TAFA1: variants seen among roughly 807,000 people sequenced by gnomAD.
TAFA1 encodes chemokine-like protein TAFA-1.
TAFA1 carries 4 observed loss-of-function variants against 18.5 expected under a neutral mutation model. The observed-to-expected ratio is 0.22, with a 90% confidence interval of 0.11 to 0.49. TAFA1 has a LOEUF of 0.49. Among genes scored for constraint, TAFA1 ranks in the 20% least tolerant of loss-of-function variants. The probability of loss-of-function intolerance (pLI) is 0.98; values close to 1 mark genes in which losing one functional copy is unlikely to be tolerated. For synonymous variants in TAFA1, 56 were observed against 55.2 expected, an observed-to-expected ratio of 1.01 and a Z score of -0.06; for missense variants, 147 against 169.0, an observed-to-expected ratio of 0.87 and a Z score of 0.72.
At chr3:68,365,624 T>G (rs995297394) in intron 2 of TAFA1, among the ~76,000 whole-genome samples, 10 of 152,160 alleles carry the variant, frequency 6.6e-5, no homozygotes, top group Admixed American at 3.9e-4. Context: ...ATGCTGCTGA[T>G]AAAGACATAC....
intron 2 of TAFA1, among the ~76,000 whole-genome samples, chr3:68,305,412 T>C (rs2068391549): frequency 2.1e-4 from 2 of 9,556 alleles, no homozygotes; most frequent in South Asian, 4.6e-3. Flanking sequence ...TATATGACTA[T>C]ATATATATAT....
intron 3 of TAFA1, among the ~76,000 whole-genome samples, chr3:68,532,401 T>C (rs777149437): frequency 6.6e-6 from 1 of 152,154 alleles, no homozygotes; most frequent in Non-Finnish European, 1.5e-5. Flanking sequence ...TGTCAGACTT[T>C]AAAAGTGTCA....
At chr3:68,005,590 T>C (rs1186919320) in intron 1 of TAFA1, among the ~76,000 whole-genome samples, 1 of 152,148 alleles carries the variant, frequency 6.6e-6, no homozygotes, top group Non-Finnish European at 1.5e-5. Context: ...TTTCAACGTA[T>C]AGTTGAGATT....
chr3:68,421,454 T>A (rs1204162558), intron 3 of TAFA1, among the ~76,000 whole-genome samples: 1 of 152,148 alleles, frequency 6.6e-6, no homozygotes, highest in Admixed American at 6.6e-5. Context: ...ATATAAAGTG[T>A]GACTATAAAT....
At chr3:68,057,213 A>T (rs752111655) in intron 2 of TAFA1, among the ~76,000 whole-genome samples, 2 of 152,200 alleles carry the variant, frequency 1.3e-5, no homozygotes, top group Non-Finnish European at 2.9e-5. Context: ...TGGCAGTGTG[A>T]TAATTCAAAT....
At chr3:68,062,965 G>T (rs1490575115) in intron 2 of TAFA1, among the ~76,000 whole-genome samples, 2 of 152,134 alleles carry the variant, frequency 1.3e-5, no homozygotes, top group African/African-American at 2.4e-5. Flanking sequence ...TCGTCTAACA[G>T]GTGGTTGCCA....
chr3:68,399,092 T>C (rs2070437701), intron 2 of TAFA1, among the ~76,000 whole-genome samples: 1 of 152,178 alleles, frequency 6.6e-6, no homozygotes, highest in Admixed American at 6.6e-5. Context: ...AACTAGATTA[T>C]TCATGACAGT....
At chr3:68,228,172 G>A (rs188651072) in intron 2 of TAFA1, among the ~76,000 whole-genome samples, 7 of 152,312 alleles carry the variant, frequency 4.6e-5, no homozygotes, top group African/African-American at 1.2e-4. Flanking sequence ...TGCATGGAAA[G>A]CATCATTACA....
chr3:68,417,369 C>G lies in TAFA1; in HGVS notation c.208C>G (p.Leu70Val). Residue 70 changes from leucine to valine, a missense_variant, in exon 3 of 5, where the codon CTA becomes GTA. Leu to Val is a conservative substitution (Grantham distance 32). Transcript: ENST00000478136. ...ERSQTVKCSC[L>V]PGKVAGTTRN... Reference sequence around the variant, plus strand: ...GTCACAAACAGTAAAGTGTTCCTGTCTACCTGGAAAAGTGGCTGGAACAAC... The same window carrying G: ...GTCACAAACAGTAAAGTGTTCCTGTGTACCTGGAAAAGTGGCTGGAACAAC... 1 of 1,613,518 alleles carries G rather than the reference C, an allele frequency of 6.2e-7. No individual in the cohort carries two copies. Among genetic ancestry groups the G allele is most frequent in the Non-Finnish European group, 8.5e-7 (1 of 1,179,608 alleles).
intron 2 of TAFA1, among the ~76,000 whole-genome samples, chr3:68,056,093 A>C (rs948654319): frequency 6.6e-6 from 1 of 152,144 alleles, no homozygotes; most frequent in African/African-American, 2.4e-5. Context: ...AGTGCTAGAG[A>C]AATTGCATAA....
At chr3:68,231,425 A>G (rs1428543622) in intron 2 of TAFA1, among the ~76,000 whole-genome samples, 1 of 139,296 alleles carries the variant, frequency 7.2e-6, no homozygotes, top group Non-Finnish European at 1.5e-5. Flanking sequence ...CAGTGGCGCA[A>G]TCTCGGCTCA....
chr3:68,164,014 A>T (rs1415420278), intron 2 of TAFA1, among the ~76,000 whole-genome samples: 2 of 152,286 alleles, frequency 1.3e-5, no homozygotes, highest in East Asian at 3.9e-4. Context: ...ATTTGTGCAA[A>T]AACCCTCTTT....
chr3:68,120,173 CTTTCTTTCTTTCTTTCTTTCTTTCTTTCT>C (rs2065374416), intron 2 of TAFA1, among the ~76,000 whole-genome samples: 1 of 16,438 alleles, frequency 6.1e-5, no homozygotes, highest in Admixed American at 8.2e-4. Flanking sequence ...CTTTCTTTCT[CTTTCTTTCTTTCTTTCTTTCTTTCTTTCT>C]TTCTTTCTTT....
chr3:68,498,144 T>C (rs2072584117), intron 3 of TAFA1, among the ~76,000 whole-genome samples: 1 of 152,238 alleles, frequency 6.6e-6, no homozygotes, highest in Non-Finnish European at 1.5e-5. Flanking sequence ...CTGGTTGTTG[T>C]ATAACCTTTT....
At chr3:68,434,995 A>G (rs746902897) in intron 3 of TAFA1, among the ~76,000 whole-genome samples, 9 of 152,138 alleles carry the variant, frequency 5.9e-5, no homozygotes, top group Non-Finnish European at 1.0e-4. Flanking sequence ...TTCAATGATT[A>G]TAAAGTTCAG....
rs1408157817 is a variant in TAFA1, at chr3:68,461,383, ATG to A, written c.259+43965_259+43966del. 1.3e-3 allele frequency among the ~76,000 whole-genome samples: 194 copies of A among 144,820 alleles called. 4 individuals are homozygous for A. The highest frequency in any genetic ancestry group is 7.2e-3 in the Middle Eastern group (2 of 278). The stretch of plus-strand genomic sequence containing the variant: ...TGCATATATATATATATATATATGT[ATG>A]TATGTATATATCCATCCCATCTAGA... On this transcript the variant is annotated intron_variant, in intron 3 of 4. Transcript: ENST00000478136.
At chr3:67,998,795 C>G in the TAFA1 span, among the ~76,000 whole-genome samples, 3 of 152,174 alleles carry the variant, frequency 2.0e-5, no homozygotes, top group Admixed American at 2.0e-4. Flanking sequence ...AATTGCTGAT[C>G]AAACCCAACT....
chr3:68,416,797 A>G (rs891706956), intron 2 of TAFA1, among the ~76,000 whole-genome samples: 1 of 152,058 alleles, frequency 6.6e-6, no homozygotes, highest in Admixed American at 6.6e-5. Flanking sequence ...TCCCGAATAG[A>G]TTTTCTATTT....
intron 3 of TAFA1, among the ~76,000 whole-genome samples, chr3:68,476,733 A>G (rs1364548706): frequency 1.3e-5 from 2 of 152,146 alleles, no homozygotes; most frequent in Non-Finnish European, 2.9e-5. Context: ...AGGATTTGTT[A>G]CCAGGATCCA....
Sources: allele counts gnomAD v4.1 joint callset (sites outside exome capture counted in the v4.1 genomes callset), GRCh38; gene constraint gnomAD v4.1.1; transcripts MANE v1.5; gene names NCBI Gene and HGNC (gene_info 2026-07-23, HGNC 2026-07-21).